Variants in TBL1XR1 observed in about 807,000 individuals in gnomAD.
TBL1XR1 encodes TBL1X/Y related 1.
In TBL1XR1, 5 loss-of-function variants were observed where a neutral mutation model predicts 66.9. That is an observed-to-expected ratio of 0.07 (90% CI 0.04 to 0.16). TBL1XR1 has a LOEUF of 0.16. TBL1XR1 is among the 10% of genes least tolerant of loss of function. The probability of loss-of-function intolerance (pLI) is 1.00; values close to 1 mark genes in which losing one functional copy is unlikely to be tolerated. For missense variants in TBL1XR1, 238 were observed against 623.2 expected (o/e 0.38, Z 6.58); for synonymous variants, 210 against 206.0 (o/e 1.02, Z -0.17).
intron 2 of TBL1XR1, among the ~76,000 whole-genome samples, chr3:177,087,536 C>T (rs1193932717): frequency 2.0e-5 from 3 of 152,084 alleles, no homozygotes; most frequent in Admixed American, 1.3e-4. Flanking sequence ...ATTTCTGTTT[C>T]TATGAACCAG....
intron 1 of TBL1XR1, among the ~76,000 whole-genome samples, chr3:177,176,398 T>C (rs891771781): frequency 2.6e-5 from 4 of 151,616 alleles, no homozygotes; most frequent in Non-Finnish European, 5.9e-5. Context: ...AATTTCACCA[T>C]GTTGGCCAGG....
intron 2 of TBL1XR1, among the ~76,000 whole-genome samples, chr3:177,073,764 G>A (rs1720338411): frequency 2.0e-5 from 3 of 152,184 alleles, no homozygotes; most frequent in Admixed American, 6.5e-5. Flanking sequence ...AGTAGAAGGT[G>A]TAGCGGAGTG....
intron 1 of TBL1XR1, among the ~76,000 whole-genome samples, chr3:177,150,330 A>G (rs776823191): frequency 6.6e-6 from 1 of 152,180 alleles, no homozygotes; most frequent in Non-Finnish European, 1.5e-5. Context: ...TGATATTTGA[A>G]CAGAGTACAG....
chr3:177,047,231 A>G, intron 9 of TBL1XR1, 69 bp downstream of exon 9: 1 of 1,317,512 alleles, frequency 7.6e-7, no homozygotes, highest in South Asian at 1.5e-5. Context: ...ATTGGCAGCT[A>G]AGACAAAATA....
intron 12 of TBL1XR1, 122 bp downstream of exon 12, chr3:177,037,976 T>C: frequency 1.4e-6 from 1 of 726,872 alleles, no homozygotes; most frequent in Non-Finnish European, 2.2e-6. Context: ...TTTAAAATGT[T>C]GGAGTTTTCA....
chr3:177,176,837 G>C (rs1014323431), intron 1 of TBL1XR1, among the ~76,000 whole-genome samples: 33 of 151,960 alleles, frequency 2.2e-4, no homozygotes, highest in African/African-American at 7.5e-4. Flanking sequence ...AAAATTAGCT[G>C]GCTATGGTGG....
At chr3:177,105,437 A>G (rs369926811) in intron 1 of TBL1XR1, among the ~76,000 whole-genome samples, 4 of 152,234 alleles carry the variant, frequency 2.6e-5, no homozygotes, top group African/African-American at 9.6e-5. Context: ...TTTGTTGCCT[A>G]AGACCACACA....
chr3:177,151,344 TC>T (rs1316124628), intron 1 of TBL1XR1, among the ~76,000 whole-genome samples: 1 of 151,672 alleles, frequency 6.6e-6, no homozygotes, highest in African/African-American at 2.4e-5. Flanking sequence ...ATGATGGGGG[TC>T]CCCAACCCCC....
chr3:177,056,851 T>G (rs1296044507), intron 3 of TBL1XR1, among the ~76,000 whole-genome samples: 2 of 152,158 alleles, frequency 1.3e-5, no homozygotes, highest in Non-Finnish European at 2.9e-5. Context: ...TCACCTTACC[T>G]TTTCTGCCAG....
At chr3:177,111,300 C>T (rs917201436) in intron 1 of TBL1XR1, among the ~76,000 whole-genome samples, 2 of 149,594 alleles carry the variant, frequency 1.3e-5, no homozygotes, top group Non-Finnish European at 3.0e-5. Context: ...AAAGACAGAG[C>T]CTTTCTCTGT....
Position 177,024,159 on chromosome 3 carries a change from G to T in TBL1XR1, c.*1339C>A, listed in dbSNP as rs1475776312. ...TATATTTGAAAAAACGTAGTCACAA[G>T]TACCACAAATGCAGAATCAGAGCAG... On this transcript the variant is annotated 3_prime_UTR_variant, in exon 16 of 16. Transcript: ENST00000457928. The T allele has an allele frequency of 2.0e-5, 3 of 151,584 alleles. No homozygotes were observed. In the East Asian group the frequency reaches 5.8e-4, roughly 29 times the overall value. The allele number at this position is 151,584 out of a possible 1,614,324, so 9.4% of individuals were successfully genotyped here.
At chr3:177,029,033 AT>A (rs1464117334) in intron 14 of TBL1XR1, among the ~76,000 whole-genome samples, 2 of 152,152 alleles carry the variant, frequency 1.3e-5, no homozygotes, top group South Asian at 2.1e-4. Context: ...GGCTAAAAAA[AT>A]AAATGTAAAG....
intron 1 of TBL1XR1, among the ~76,000 whole-genome samples, chr3:177,139,966 C>G (rs1413442402): frequency 1.3e-5 from 2 of 152,176 alleles, no homozygotes; most frequent in African/African-American, 4.8e-5. Flanking sequence ...GTAACAGGTG[C>G]TAGAAGACAA....
chr3:177,051,298 G>T (rs1246989169), intron 5 of TBL1XR1, among the ~76,000 whole-genome samples: 1 of 151,844 alleles, frequency 6.6e-6, no homozygotes, highest in African/African-American at 2.4e-5. Flanking sequence ...TTCCTGGGGG[G>T]TGGAGGGTGG....
intron 1 of TBL1XR1, among the ~76,000 whole-genome samples, chr3:177,186,030 T>C (rs1288998782): frequency 6.6e-6 from 1 of 151,852 alleles, no homozygotes; most frequent in African/African-American, 2.4e-5. Flanking sequence ...AATAAATAAA[T>C]ATAAGTAAAT....
rs557515032 is a variant in TBL1XR1 at position 177,079,276 on chromosome 3, A to G, written c.-45-14254T>C. On this transcript the variant is annotated intron_variant, in intron 2 of 15. Coordinates refer to ENST00000457928, the MANE Select transcript of TBL1XR1 (RefSeq NM_024665.7). ...GAAACCCCGTCTCCACTAAAAAAAT[A>G]CAAAAAATTAGTTGGGCGTGGTGGC... Among the ~76,000 whole-genome samples the G allele has an allele frequency of 2.0e-5, 3 of 151,692 alleles. No homozygotes were observed. In the South Asian group the frequency reaches 6.3e-4, roughly 32 times the overall value.
intron 1 of TBL1XR1, among the ~76,000 whole-genome samples, chr3:177,138,502 G>C (rs538843448): frequency 1.3e-5 from 2 of 152,092 alleles, no homozygotes; most frequent in South Asian, 4.2e-4. Context: ...TGAGGTGAGA[G>C]GATCACTTGA....
At chr3:177,115,092 AGGAT>A (rs1331248572) in intron 1 of TBL1XR1, among the ~76,000 whole-genome samples, 3 of 152,176 alleles carry the variant, frequency 2.0e-5, no homozygotes, top group Non-Finnish European at 2.9e-5. Context: ...TGCCATGGGC[AGGAT>A]GGACTCCATA....
At chr3:177,117,778 C>G (rs1433319050) in intron 1 of TBL1XR1, among the ~76,000 whole-genome samples, 4 of 152,124 alleles carry the variant, frequency 2.6e-5, no homozygotes, top group Admixed American at 2.6e-4. Context: ...TTCTATGCCA[C>G]TGATTGGGAG....
Sources: allele counts gnomAD v4.1 joint callset (sites outside exome capture counted in the v4.1 genomes callset), GRCh38; gene constraint gnomAD v4.1.1; transcripts MANE v1.5; gene names NCBI Gene and HGNC (gene_info 2026-07-23, HGNC 2026-07-21).